Variants in DENND3 observed in about 807,000 individuals in gnomAD.
The protein encoded by DENND3 is DENN domain-containing protein 3.
Under a neutral mutation model 135.1 loss-of-function variants are expected in DENND3, and 88 were observed. The observed-to-expected ratio is 0.65, with a 90% confidence interval of 0.55 to 0.78. DENND3 has a LOEUF of 0.78. Ranked by LOEUF, DENND3 falls within the 30% of genes least tolerant of loss-of-function variation. The pLI is 0.00. For synonymous variants in DENND3, 693 were observed against 712.3 expected (o/e 0.97, Z 0.43); for missense variants, 1,392 against 1,688.4 (o/e 0.82, Z 3.08).
At chr8:141,134,988 G>A (rs564354347) in intron 1 of DENND3, among the ~76,000 whole-genome samples, 59 of 152,108 alleles carry the variant, frequency 3.9e-4, no homozygotes, top group African/African-American at 1.4e-3. Flanking sequence ...GCAGGCATGC[G>A]CCACCAAGCC....
At chr8:141,157,347 C>T (rs1190004722) in intron 8 of DENND3, 3 of 985,284 alleles carry the variant, frequency 3.0e-6, no homozygotes, top group Non-Finnish European at 2.4e-6. Flanking sequence ...GCTTCAGTGC[C>T]AGGGCTCCCT....
chr8:141,141,162 A>G lies in DENND3; in HGVS notation c.502-41A>G. On this transcript the variant is annotated intron_variant, in intron 3 of 22. Coordinates refer to ENST00000519811, the MANE Select transcript of DENND3 (RefSeq NM_001352890.3). This position sits in a 1 kb window ranked among gnomAD's most constrained non-coding sequence, Gnocchi z 5.3. ...GTTGGAAACAGATACTGGAATTGCC[A>G]AGGTGGGGAGGTGACCATGTCGCTG... The G allele has an allele frequency of 1.2e-6, 2 of 1,613,404 alleles. No individual in the cohort carries two copies. The highest frequency in any genetic ancestry group is 1.3e-5 in the African/African-American group (1 of 75,048).
At chr8:141,152,672 G>A (rs1428593844) in intron 7 of DENND3, among the ~76,000 whole-genome samples, 1 of 152,162 alleles carries the variant, frequency 6.6e-6, no homozygotes, top group Non-Finnish European at 1.5e-5. Flanking sequence ...AGTGATGACC[G>A]TGTGGGTTGT....
rs142121672 is a variant in DENND3, at chr8:141,159,989, A to G, written c.1197-643A>G. 6.4e-3 allele frequency among the ~76,000 whole-genome samples: 978 copies of G among 152,308 alleles called. 8 individuals are homozygous for G. The highest frequency in any genetic ancestry group is 0.022 in the African/African-American group (901 of 41,572). On this transcript the variant is annotated intron_variant, in intron 8 of 22. Transcript: ENST00000519811. ...GGAGCTGTGACTGTCCCTTCTAGGC[A>G]GCCATGAGTGACCCGTCAAGAGGCA...
chr8:141,180,839 C>G lies in DENND3; in HGVS notation c.2929C>G (p.Leu977Val). 6.2e-7 allele frequency: 1 copy of G among 1,612,256 alleles called. No individual in the cohort carries two copies. Among genetic ancestry groups the G allele is most frequent in the Non-Finnish European group, 8.5e-7 (1 of 1,179,210 alleles). Residue 977 changes from leucine to valine, a missense_variant, in exon 17 of 23, where the codon CTG (leucine) becomes GTG (valine). By Grantham distance (32) the Leu-to-Val change is conservative (BLOSUM62 1). Coordinates refer to ENST00000519811, the MANE Select transcript of DENND3 (RefSeq NM_001352890.3). ...GEAFPQAVDV[L>V]LYTPGHLDPA... is the part of the protein sequence containing the mutation. Reference sequence around the variant, plus strand: ...GGCGTTCCCACAAGCGGTGGACGTGCTGCTCTACACTCCAGGTAAGGCCCC... The same window carrying G: ...GGCGTTCCCACAAGCGGTGGACGTGGTGCTCTACACTCCAGGTAAGGCCCC...
chr8:141,181,507 C>T (rs1320129034), intron 17 of DENND3, among the ~76,000 whole-genome samples: 1 of 152,226 alleles, frequency 6.6e-6, no homozygotes, highest in African/African-American at 2.4e-5. Flanking sequence ...CTCTTCTCCG[C>T]TGGGTGCGGC....
At chr8:141,172,953 A>C (rs969024299) in intron 13 of DENND3, among the ~76,000 whole-genome samples, 4 of 100,542 alleles carry the variant, frequency 4.0e-5, no homozygotes, top group African/African-American at 1.8e-4. Flanking sequence ...TAAAATAAAA[A>C]CTAAAATAAA....
In DENND3 at chr8:141,176,665, A is replaced by G; in HGVS notation, c.2610A>G (p.Lys870=). 2.5e-6 allele frequency: 4 copies of G among 1,614,264 alleles called. No homozygotes were observed. The highest frequency in any genetic ancestry group is 3.4e-6 in the Non-Finnish European group (4 of 1,180,038). ...PTLKIRVASK[K]EVFEANLKTE... ...TAAAAATCAGAGTGGCGTCCAAGAA[A>G]GAAGTCTTCGAAGCCAACCTGAAAA... is the stretch of plus-strand genomic sequence containing the variant. Residue 870 remains lysine, a synonymous_variant, in exon 15 of 23, where the codon AAA becomes AAG. Transcript: ENST00000519811.
rs958255602 is a variant in DENND3 at position 141,194,139 on chromosome 8, A to C, written c.3743A>C (p.Asp1248Ala). The C allele has an allele frequency of 6.2e-7, 1 of 1,613,862 alleles. No homozygotes were observed. Among genetic ancestry groups the C allele is most frequent in the Non-Finnish European group, 8.5e-7 (1 of 1,180,010 alleles). The change falls in exon 23 of 23, where the codon GAC becomes GCC. Residue 1248 changes from aspartate (D) to alanine (A), a missense_variant. Transcript: ENST00000519811. The part of the protein sequence containing the change: ...TVEKELVAHM[D>A]TVRTLCSAED... Reference sequence around the variant, plus strand: ...GAGAAGGAGCTGGTGGCGCACATGGACACCGTGAGGACGCTGTGCTCGGCT... The same window carrying C: ...GAGAAGGAGCTGGTGGCGCACATGGCCACCGTGAGGACGCTGTGCTCGGCT...
chr8:141,156,791 C>CTT lies in DENND3; in HGVS notation c.1196+838_1196+839dup, dbSNP rs34035594. Among the ~76,000 whole-genome samples, 1,053 of 123,162 alleles carry CTT rather than the reference C, an allele frequency of 8.5e-3. 26 individuals are homozygous for CTT. The highest frequency in any genetic ancestry group is 0.024 in the African/African-American group (776 of 32,724). 80.8% of individuals were successfully genotyped at this position (123,162 alleles called of 152,430 possible). ...GCACTTTATCTTTTCTTTTTCTTTC[C>CTT]TTTTTTTTTTTTTTTTTTGAGATGG... On this transcript the variant is annotated intron_variant, in intron 8 of 22. Coordinates refer to ENST00000519811, the MANE Select transcript of DENND3 (RefSeq NM_001352890.3).
chr8:141,160,751 A>G lies in DENND3; in HGVS notation c.1316A>G (p.Gln439Arg), dbSNP rs781002825. ...SWQQKLNCQI[Q>R]QTTLQLLVSI... is the part of the protein sequence containing the mutation. ...CAGCAGAAACTCAACTGCCAGATAC[A>G]GCAGACCACCCTGCAGCTGCTCGTG... The change falls in exon 9 of 23, where the codon CAG becomes CGG. Residue 439 changes from glutamine to arginine, a missense_variant. By Grantham distance (43) the Gln-to-Arg change is conservative. Transcript: ENST00000519811. The G allele has an allele frequency of 5.6e-6, 9 of 1,612,924 alleles. No individual in the cohort carries two copies. The South Asian group carries it at 8.8e-5, about 16-fold the overall frequency.
In DENND3 at chr8:141,190,288, G is replaced by A. The variant is rs962964671; in HGVS notation, c.3250G>A (p.Val1084Met). 9 of 1,591,520 alleles carry A rather than the reference G, an allele frequency of 5.7e-6. No homozygotes were observed. The highest frequency in any genetic ancestry group is 2.7e-5 in the African/African-American group (2 of 74,470). ...GTGTGTGTTTTGTGCCCCCAGCAAC[G>A]TGTACTCGTGCAGCATGGACGGCAT... ...VQDGQEAPSN[V>M]YSCSMDGMVL... The change falls in exon 20 of 23, where the codon GTG (valine) becomes ATG (methionine). Residue 1084 changes from valine to methionine, a missense_variant. Coordinates refer to ENST00000519811, the MANE Select transcript of DENND3 (RefSeq NM_001352890.3).
rs1172547864 is a variant in DENND3 at position 141,154,703 on chromosome 8, C to T, written c.1075-1146C>T. Reference sequence around the variant, plus strand: ...TCAGCCTCCTGAGTAGCTGGGATTGCAGGCACACGCCACCATGCCTGGGTA... The same window carrying T: ...TCAGCCTCCTGAGTAGCTGGGATTGTAGGCACACGCCACCATGCCTGGGTA... On this transcript the variant is annotated intron_variant, in intron 7 of 22. Transcript: ENST00000519811. The surrounding 1 kb of genome is among the most constrained non-coding windows in gnomAD (Gnocchi z 4.4). 6.6e-6 allele frequency among the ~76,000 whole-genome samples: 1 copy of T among 152,014 alleles called. No homozygotes were observed. Among genetic ancestry groups the T allele is most frequent in the Non-Finnish European group, 1.5e-5 (1 of 68,016 alleles).
intron 1 of DENND3, chr8:141,129,676 G>C (rs1337355607): frequency 6.6e-6 from 1 of 152,226 alleles, no homozygotes; most frequent in African/African-American, 2.4e-5. Context: ...GTCTGCACAG[G>C]TCCGTTCATC....
intron 5 of DENND3, among the ~76,000 whole-genome samples, chr8:141,147,252 T>G (rs926506492): frequency 6.6e-6 from 1 of 152,244 alleles, no homozygotes; most frequent in Non-Finnish European, 1.5e-5. Context: ...CACTGGCCTG[T>G]CTGCTTTGGT....
chr8:141,156,069 A>T, intron 8 of DENND3, 99 bp downstream of exon 8: 1 of 1,401,620 alleles, frequency 7.1e-7, no homozygotes, highest in Non-Finnish European at 9.5e-7. Context: ...TAACTGATAG[A>T]TGTTTTATAT....
At chr8:141,162,664 G>A (rs1017213003) in intron 9 of DENND3, among the ~76,000 whole-genome samples, 8 of 152,238 alleles carry the variant, frequency 5.3e-5, no homozygotes, top group Non-Finnish European at 4.4e-5. Flanking sequence ...GGCCGGGCTC[G>A]GTGGCTCACG....
chr8:141,145,571 A>G (rs1817929957), intron 5 of DENND3, among the ~76,000 whole-genome samples: 1 of 151,928 alleles, frequency 6.6e-6, no homozygotes. Flanking sequence ...TCCTTATGGG[A>G]ACATTTTATA....
intron 7 of DENND3, among the ~76,000 whole-genome samples, chr8:141,152,828 T>C (rs1818966311): frequency 1.3e-5 from 2 of 152,172 alleles, no homozygotes; most frequent in Admixed American, 6.5e-5. Context: ...TGCTAAGCTG[T>C]TTTCGCAAAG....
Sources: gnomAD v4.1 joint callset for allele counts (sites outside exome capture counted in the v4.1 genomes callset) on GRCh38, gnomAD v4.1.1 for gene constraint, Gnocchi (gnomAD v3.1) non-coding constraint, MANE v1.5 for transcripts, NCBI Gene and HGNC (gene_info 2026-07-23, HGNC 2026-07-21) for gene names.